RASAL2: variants seen among roughly 807,000 people sequenced by gnomAD.
RASAL2 encodes the protein ras GTPase-activating protein nGAP.
A neutral mutation model predicts 128.9 loss-of-function variants in RASAL2; 58 were observed. The ratio of observed to expected loss-of-function variants is 0.45; its 90% CI spans 0.36 to 0.56. The LOEUF (loss-of-function observed/expected upper bound fraction) is 0.56. Among genes scored for constraint, RASAL2 ranks in the 20% least tolerant of loss-of-function variants. The pLI, the probability that RASAL2 is intolerant of heterozygous loss-of-function variation, is 0.00. For synonymous variants in RASAL2, 561 were observed against 580.8 expected, an observed-to-expected ratio of 0.97 and a Z score of 0.49; for missense variants, 1,360 against 1,601.6, an observed-to-expected ratio of 0.85 and a Z score of 2.57.
chr1:178,219,047 C>T (rs916347646), intron 1 of RASAL2, among the ~76,000 whole-genome samples: 1 of 152,248 alleles, frequency 6.6e-6, no homozygotes, highest in African/African-American at 2.4e-5. Context: ...GCTAGATCTT[C>T]TGGATAACTT....
At chr1:178,214,440 C>A (rs528273536) in intron 1 of RASAL2, among the ~76,000 whole-genome samples, 1 of 152,242 alleles carries the variant, frequency 6.6e-6, no homozygotes, top group East Asian at 1.9e-4. Context: ...ATAGAAAATA[C>A]CTGAATGCTA....
At chr1:178,377,970 A>T (rs1337308612) in intron 3 of RASAL2, among the ~76,000 whole-genome samples, 1 of 152,016 alleles carries the variant, frequency 6.6e-6, no homozygotes, top group Non-Finnish European at 1.5e-5. Context: ...TTCAAAAGCA[A>T]TACAGAAGAA....
At chr1:178,133,107 G>A (rs1273993585) in intron 1 of RASAL2, among the ~76,000 whole-genome samples, 1 of 152,184 alleles carries the variant, frequency 6.6e-6, no homozygotes, top group Non-Finnish European at 1.5e-5. Flanking sequence ...AGAGTTTGAG[G>A]CAGGGAAGTG....
At chr1:178,137,422 G>A (rs1660366992) in intron 1 of RASAL2, among the ~76,000 whole-genome samples, 1 of 152,142 alleles carries the variant, frequency 6.6e-6, no homozygotes, top group Non-Finnish European at 1.5e-5. Context: ...TTGAGCATTT[G>A]AAGTTAGTTC....
At chr1:178,428,564 A>C (rs144806623) in intron 5 of RASAL2, among the ~76,000 whole-genome samples, 115 of 151,524 alleles carry the variant, frequency 7.6e-4, no homozygotes, top group East Asian at 3.1e-3. Flanking sequence ...TGTTCTCTCT[A>C]TATATATATT....
At chr1:178,397,271 AC>A (rs1356100689) in intron 4 of RASAL2, among the ~76,000 whole-genome samples, 1 of 152,258 alleles carries the variant, frequency 6.6e-6, no homozygotes, top group African/African-American at 2.4e-5. Flanking sequence ...ATTTATCCAT[AC>A]AATGGCTTAT....
rs1677460651 is a variant in RASAL2 at position 178,452,632 on chromosome 1, G to A, written c.1989G>A (p.Gln663=). 3 of 1,613,458 alleles carry A rather than the reference G, an allele frequency of 1.9e-6. No individual in the cohort carries two copies. The highest frequency in any genetic ancestry group is 1.1e-5 in the South Asian group (1 of 91,076). ...RTLTLIAKVI[Q]NLANFAKFGN... is the part of the protein sequence containing the mutation. ...TAACTCTTATTGCCAAGGTCATTCA[G>A]AACCTGGCCAACTTTGCCAAGTAGG... The change falls in exon 11 of 18, where the codon CAG becomes CAA. Residue 663 remains glutamine, a synonymous_variant. Transcript: ENST00000367649.
chr1:178,176,979 G>A lies in RASAL2; in HGVS notation c.202+82285G>A, dbSNP rs148254863. On this transcript the variant is annotated intron_variant, in intron 1 of 17. Transcript: ENST00000367649. ...GTGCAATTTCAAAATTCTATTTCAGGGATTCTATTTCAGGGATTCTTTATA... is the reference window on the plus strand; with the variant it reads ...GTGCAATTTCAAAATTCTATTTCAGAGATTCTATTTCAGGGATTCTTTATA... Among the ~76,000 whole-genome samples the A allele has an allele frequency of 6.6e-5, 10 of 152,032 alleles. No homozygotes were observed. In the East Asian group the frequency reaches 1.9e-3, roughly 29 times the overall value.
chr1:178,450,169 G>A (rs1026122917), intron 9 of RASAL2, among the ~76,000 whole-genome samples: 1 of 152,102 alleles, frequency 6.6e-6, no homozygotes, highest in African/African-American at 2.4e-5. Flanking sequence ...TTCAAAAGTT[G>A]CATGATTTTT....
At chr1:178,147,542 G>C (rs1424365876) in intron 1 of RASAL2, among the ~76,000 whole-genome samples, 1 of 150,684 alleles carries the variant, frequency 6.6e-6, no homozygotes, top group Non-Finnish European at 1.5e-5. Context: ...AAGCAGTAAA[G>C]TGGTAAGTGA....
At chr1:178,455,046 A>G (rs1159133189) in intron 12 of RASAL2, among the ~76,000 whole-genome samples, 3 of 152,120 alleles carry the variant, frequency 2.0e-5, no homozygotes, top group Non-Finnish European at 4.4e-5. Flanking sequence ...TAGGTTTATC[A>G]TGTTTTAAGT....
chr1:178,311,296 C>A (rs1303558660), intron 3 of RASAL2, among the ~76,000 whole-genome samples: 1 of 112,564 alleles, frequency 8.9e-6, no homozygotes, highest in Admixed American at 8.3e-5. Flanking sequence ...ACATTGAAAG[C>A]TGAAAAGCAA....
At chr1:178,382,464 A>T (rs1672336067) in intron 3 of RASAL2, among the ~76,000 whole-genome samples, 1 of 151,816 alleles carries the variant, frequency 6.6e-6, no homozygotes, top group Admixed American at 6.6e-5. Flanking sequence ...CATTCATCTT[A>T]TTTTTTTTCT....
At chr1:178,389,365 C>T in intron 3 of RASAL2, 76 of 567,178 alleles carry the variant, frequency 1.3e-4, no homozygotes, top group South Asian at 4.6e-4. Context: ...TATATATACA[C>T]ATGTATATAT....
intron 1 of RASAL2, among the ~76,000 whole-genome samples, chr1:178,214,910 T>G (rs1311673709): frequency 6.6e-6 from 1 of 152,146 alleles, no homozygotes; most frequent in Non-Finnish European, 1.5e-5. Flanking sequence ...AGCTATCTGG[T>G]CTCCAAGCAG....
intron 1 of RASAL2, among the ~76,000 whole-genome samples, chr1:178,129,687 T>G (rs941626635): frequency 3.9e-5 from 6 of 152,010 alleles, no homozygotes; most frequent in Non-Finnish European, 2.9e-5. Context: ...TTTTTTTTTT[T>G]GAAGAAATTT....
At chr1:178,272,692 C>T (rs536432619) in intron 1 of RASAL2, among the ~76,000 whole-genome samples, 1 of 152,258 alleles carries the variant, frequency 6.6e-6, no homozygotes, top group Non-Finnish European at 1.5e-5. Flanking sequence ...CTTTGGGAGA[C>T]CAAGACAGGT....
At chr1:178,156,765 A>G (rs1433445660) in intron 1 of RASAL2, among the ~76,000 whole-genome samples, 1 of 152,184 alleles carries the variant, frequency 6.6e-6, no homozygotes, top group Admixed American at 6.5e-5. Context: ...TTCTTTTTTA[A>G]AAAACACAGC....
intron 3 of RASAL2, among the ~76,000 whole-genome samples, chr1:178,365,919 A>G (rs539359478): frequency 1.8e-4 from 27 of 152,312 alleles, no homozygotes; most frequent in Admixed American, 6.5e-4. Flanking sequence ...TATACTTGCA[A>G]TCAGTACCCA....
Sources: allele counts gnomAD v4.1 joint callset (sites outside exome capture counted in the v4.1 genomes callset), GRCh38; gene constraint gnomAD v4.1.1; transcripts MANE v1.5; gene names NCBI Gene and HGNC (gene_info 2026-07-23, HGNC 2026-07-21).